The following CDH26 variants were observed in gnomAD, a reference collection of about 807,000 sequenced individuals.
The protein encoded by CDH26 is cadherin 26.
A neutral mutation model predicts 90.3 loss-of-function variants in CDH26; 83 were observed. The ratio of observed to expected loss-of-function variants is 0.92; its 90% CI spans 0.77 to 1.10. CDH26 has a LOEUF of 1.10. CDH26 is among the 50% of genes least tolerant of loss of function. The pLI, the probability that CDH26 is intolerant of heterozygous loss-of-function variation, is 0.00. For synonymous variants in CDH26, 397 were observed against 396.3 expected, an observed-to-expected ratio of 1.00 and a Z score of -0.02; for missense variants, 1,013 against 1,037.6, an observed-to-expected ratio of 0.98 and a Z score of 0.33.
At chr20:60,031,224 T>C in intron 7 of CDH26, 1 of 1,173,524 alleles carries the variant, frequency 8.5e-7, no homozygotes, top group Non-Finnish European at 1.1e-6. Context: ...TTACCTGCTT[T>C]GTGTAGTCTA....
intron 7 of CDH26, 26 bp from the exon 8 acceptor site, chr20:59,987,427 A>G (rs373541672): frequency 6.3e-7 from 1 of 1,585,508 alleles, no homozygotes; most frequent in East Asian, 2.3e-5. Context: ...TTTCCATGAC[A>G]TGGACATGAT....
chr20:60,026,772 C>T (rs1343567258), intron 7 of CDH26, among the ~76,000 whole-genome samples: 1 of 152,224 alleles, frequency 6.6e-6, no homozygotes, highest in Admixed American at 6.5e-5. Flanking sequence ...TGTGCCCACA[C>T]TTCTGACCTA....
intron 7 of CDH26, among the ~76,000 whole-genome samples, chr20:60,021,897 C>CACACACACACACACACACACACATATAT (rs1295572684): frequency 1.3e-5 from 1 of 78,936 alleles, no homozygotes; most frequent in Non-Finnish European, 3.0e-5. Context: ...CACACACACA[C>CACACACACACACACACACACACATATAT]ATATATATAT....
chr20:60,023,166 G>A (rs2061971470), intron 7 of CDH26, among the ~76,000 whole-genome samples: 1 of 152,258 alleles, frequency 6.6e-6, no homozygotes, highest in Non-Finnish European at 1.5e-5. Context: ...ACACAGTGTA[G>A]TGCAGGATAG....
intron 17 of CDH26, among the ~76,000 whole-genome samples, chr20:60,007,814 G>A (rs1229835884): frequency 6.6e-6 from 1 of 152,084 alleles, no homozygotes; most frequent in African/African-American, 2.4e-5. Context: ...AGACCTGCTG[G>A]CCTCCTACCT....
Position 59,992,484 on chromosome 20 carries a change from A to C in CDH26, c.1390A>C (p.Ser464Arg), listed in dbSNP as rs761167368. Residue 464 changes from serine (S) to arginine (R), a missense_variant, in exon 10 of 18, where the codon AGT becomes CGT. Coordinates refer to ENST00000348616, the MANE Select transcript of CDH26 (RefSeq NM_177980.4). This position sits in a 1 kb window ranked among gnomAD's most constrained non-coding sequence, Gnocchi z 5.0. The part of the protein sequence containing the change: ...IDRESPHVNN[S>R]FYVIIIHAVD... ...CCGAGAATCCCCTCATGTAAATAAC[A>C]GTTTTTATGTAATCATCATTCACGC... 4 of 1,614,066 alleles carry C rather than the reference A, an allele frequency of 2.5e-6. No homozygotes were observed. In the African/African-American group the frequency reaches 5.3e-5, roughly 22 times the overall value.
At chr20:60,021,893 CACACATAT>C (rs1013385257) in intron 7 of CDH26, among the ~76,000 whole-genome samples, 4 of 87,548 alleles carry the variant, frequency 4.6e-5, no homozygotes, top group South Asian at 3.9e-4. Flanking sequence ...CACACACACA[CACACATAT>C]ATATATATAT....
At chr20:60,017,283 T>C (rs2061913201), downstream of CDH26, among the ~76,000 whole-genome samples, 2 of 152,102 alleles carry the variant, frequency 1.3e-5, no homozygotes, top group East Asian at 3.8e-4. Flanking sequence ...TGATTCAATC[T>C]TATTACTTGT....
chr20:59,976,102 C>A (rs1393497907), intron 4 of CDH26, among the ~76,000 whole-genome samples: 2 of 151,944 alleles, frequency 1.3e-5, no homozygotes, highest in Non-Finnish European at 2.9e-5. Flanking sequence ...TTTTTTTCAC[C>A]ACACAGTCTA....
At chr20:59,983,498 AT>A (rs5842289) in intron 5 of CDH26, among the ~76,000 whole-genome samples, 18,921 of 152,158 alleles carry the variant, frequency 0.12, 1,723 homozygotes, top group East Asian at 0.47. Flanking sequence ...AACAAAAATC[AT>A]TTTTTTGTGT....
intron 16 of CDH26, among the ~76,000 whole-genome samples, chr20:60,004,779 A>C (rs949738916): frequency 6.6e-6 from 1 of 151,390 alleles, no homozygotes; most frequent in African/African-American, 2.4e-5. Context: ...AAAAAAAAAA[A>C]AAAAAAGAAA....
At chr20:59,974,438 T>C (rs1212360516) in intron 4 of CDH26, among the ~76,000 whole-genome samples, 1 of 152,236 alleles carries the variant, frequency 6.6e-6, no homozygotes, top group Non-Finnish European at 1.5e-5. Flanking sequence ...GTCTAAAAGC[T>C]GATAATGCTA....
At chr20:59,965,566 G>A (rs890645080) in intron 1 of CDH26, among the ~76,000 whole-genome samples, 2 of 152,112 alleles carry the variant, frequency 1.3e-5, no homozygotes, top group Admixed American at 6.5e-5. Context: ...TGAATGTCCG[G>A]CTTTAAAGAA....
intron 10 of CDH26, among the ~76,000 whole-genome samples, chr20:59,993,107 T>G (rs2061547759): frequency 6.6e-6 from 1 of 152,240 alleles, no homozygotes; most frequent in African/African-American, 2.4e-5. Flanking sequence ...CGTTCCATTC[T>G]GTAATTAACT....
At position 59,989,830 on chromosome 20, in the gene CDH26, T is replaced by C. The variant is rs1050493369; in HGVS notation, c.1283+667T>C. ...TATAAACCAGTACCTCTCTTGCTTC[T>C]GGGCAAGAAAAGTGAGGGTTTTTTT... On this transcript the variant is annotated intron_variant, in intron 9 of 17. Coordinates refer to ENST00000348616, the MANE Select transcript of CDH26 (RefSeq NM_177980.4). Among the ~76,000 whole-genome samples the C allele has an allele frequency of 5.3e-5, 8 of 152,332 alleles. No homozygotes were observed. The East Asian group carries it at 1.5e-3, about 29-fold the overall frequency.
chr20:59,994,440 C>T lies in CDH26; in HGVS notation c.1617C>T (p.Asp539=). ...PFSDPFTFEL[D]NTWGNAEDTW... is the part of the protein sequence containing the mutation. ...CTGACCCATTTACATTTGAATTGGA[C>T]AATACCTGGGGAAATGCGGAGGACA... Residue 539 remains aspartate, a synonymous_variant, in exon 11 of 18, where the codon GAC becomes GAT. Transcript: ENST00000348616. The T allele has an allele frequency of 6.2e-7, 1 of 1,614,114 alleles. No individual in the cohort carries two copies. Among genetic ancestry groups the T allele is most frequent in the Non-Finnish European group, 8.5e-7 (1 of 1,180,018 alleles).
At chr20:60,015,715 G>A (rs1213384974), downstream of CDH26, among the ~76,000 whole-genome samples, 1 of 152,114 alleles carries the variant, frequency 6.6e-6, no homozygotes. Context: ...ATTTCCTGAA[G>A]CATTTTCCCT....
intron 7 of CDH26, among the ~76,000 whole-genome samples, chr20:60,026,356 C>G (rs894401273): frequency 3.3e-5 from 5 of 149,476 alleles, no homozygotes; most frequent in African/African-American, 1.2e-4. Flanking sequence ...ATTCTATGAG[C>G]CCACGAGAGT....
intron 7 of CDH26, among the ~76,000 whole-genome samples, chr20:60,020,596 T>C (rs2061944456): frequency 6.6e-6 from 1 of 152,152 alleles, no homozygotes; most frequent in Admixed American, 6.5e-5. Context: ...GTGGAATGAA[T>C]ATGGAGCGCT....
Sources: allele counts gnomAD v4.1 joint callset (sites outside exome capture counted in the v4.1 genomes callset), GRCh38; gene constraint gnomAD v4.1.1; non-coding constraint Gnocchi (gnomAD v3.1); transcripts MANE v1.5; gene names NCBI Gene and HGNC (gene_info 2026-07-23, HGNC 2026-07-21).